Variants in IGSF21 observed in about 807,000 individuals in gnomAD.
IGSF21 encodes the protein immunoglobin superfamily member 21.
Under a neutral mutation model 46.8 loss-of-function variants are expected in IGSF21, and 28 were observed. That is an observed-to-expected ratio of 0.60 (90% CI 0.44 to 0.82). IGSF21 has a LOEUF of 0.82. Ranked by LOEUF, IGSF21 falls within the 40% of genes least tolerant of loss-of-function variation. IGSF21 has a pLI of 0.00. For missense variants in IGSF21, 624 were observed against 665.5 expected (o/e 0.94, Z 0.69); for synonymous variants, 284 against 273.6 (o/e 1.04, Z -0.38).
intron 1 of IGSF21, among the ~76,000 whole-genome samples, chr1:18,159,685 C>CTTT (rs11371899): frequency 0.19 from 26,672 of 138,584 alleles, 3,251 homozygotes; most frequent in South Asian, 0.42. Flanking sequence ...TCGGGTATGT[C>CTTT]TTTTTTTTTT....
chr1:18,218,948 C>T lies in IGSF21; in HGVS notation c.71-8950C>T, dbSNP rs563570596. On this transcript the variant is annotated intron_variant, in intron 1 of 9. Coordinates refer to ENST00000251296, the MANE Select transcript of IGSF21 (RefSeq NM_032880.5). The stretch of plus-strand genomic sequence containing the variant: ...AATACAATAACCAAAATAAAAAACT[C>T]ACTGACTAGACTCAGTAGCAGAATA... Among the ~76,000 whole-genome samples the T allele has an allele frequency of 2.0e-5, 3 of 152,294 alleles. No individual in the cohort carries two copies. In the South Asian group the frequency reaches 6.2e-4, roughly 32 times the overall value.
intron 2 of IGSF21, among the ~76,000 whole-genome samples, chr1:18,281,909 T>C (rs1333016117): frequency 6.6e-6 from 1 of 152,134 alleles, no homozygotes; most frequent in East Asian, 1.9e-4. Context: ...TCCAAGCATC[T>C]GGATTTGGGG....
intron 1 of IGSF21, among the ~76,000 whole-genome samples, chr1:18,153,890 C>T (rs181259616): frequency 8.5e-5 from 13 of 152,290 alleles, no homozygotes; most frequent in Admixed American, 7.8e-4. Flanking sequence ...TGGACTGGAA[C>T]CCCTCATGCA....
intron 1 of IGSF21, among the ~76,000 whole-genome samples, chr1:18,126,386 CT>C (rs1337343358): frequency 1.3e-5 from 2 of 152,170 alleles, no homozygotes; most frequent in East Asian, 3.8e-4. Context: ...TTCCACCCTC[CT>C]TTCCTCCACA....
At chr1:18,270,548 C>T (rs1301692471) in intron 2 of IGSF21, among the ~76,000 whole-genome samples, 1 of 152,234 alleles carries the variant, frequency 6.6e-6, no homozygotes, top group Non-Finnish European at 1.5e-5. Context: ...AGGTGTCCAA[C>T]ACATGCAGCT....
At chr1:18,164,436 C>T (rs2086658469) in intron 1 of IGSF21, among the ~76,000 whole-genome samples, 1 of 151,714 alleles carries the variant, frequency 6.6e-6, no homozygotes, top group African/African-American at 2.4e-5. Flanking sequence ...TTATCCTTTT[C>T]TCTCCTTTCT....
At chr1:18,244,282 A>G (rs2084762168) in intron 2 of IGSF21, among the ~76,000 whole-genome samples, 2 of 152,198 alleles carry the variant, frequency 1.3e-5, no homozygotes, top group Admixed American at 6.5e-5. Flanking sequence ...TGGTAGAAAG[A>G]GGGACGGAGC....
chr1:18,225,406 G>A (rs1193221373), intron 1 of IGSF21, among the ~76,000 whole-genome samples: 2 of 151,818 alleles, frequency 1.3e-5, no homozygotes, highest in African/African-American at 2.4e-5. Context: ...TGCCCTCCCC[G>A]CCACCGCCAC....
At chr1:18,153,138 A>G (rs2086535869) in intron 1 of IGSF21, among the ~76,000 whole-genome samples, 1 of 152,070 alleles carries the variant, frequency 6.6e-6, no homozygotes, top group Non-Finnish European at 1.5e-5. Context: ...AGGGTCCTGA[A>G]AGGAGAAGGT....
Position 18,377,389 on chromosome 1 carries a change from A to G in IGSF21, c.1295-4A>G, listed in dbSNP as rs373321830. The G allele has an allele frequency of 1.1e-4, 181 of 1,613,096 alleles. No individual in the cohort carries two copies. The highest frequency in any genetic ancestry group is 1.3e-4 in the Non-Finnish European group (154 of 1,179,190). ...TTGGTTCTCTTTCTGTTTCTTTCCAACAGAAAACCCAAATATCCCAAGAGG... is the reference window on the plus strand; with the variant it reads ...TTGGTTCTCTTTCTGTTTCTTTCCAGCAGAAAACCCAAATATCCCAAGAGG... On this transcript the variant is annotated splice_region_variant and splice_polypyrimidine_tract_variant and intron_variant, in intron 8 of 9. Coordinates refer to ENST00000251296, the MANE Select transcript of IGSF21 (RefSeq NM_032880.5).
At chr1:18,294,859 T>G (rs769007988) in intron 3 of IGSF21, among the ~76,000 whole-genome samples, 1 of 152,244 alleles carries the variant, frequency 6.6e-6, no homozygotes, top group Non-Finnish European at 1.5e-5. Flanking sequence ...CGACTGCCTC[T>G]TCAGGCTGCA....
intron 2 of IGSF21, among the ~76,000 whole-genome samples, chr1:18,257,459 T>C (rs1466885160): frequency 6.6e-6 from 1 of 152,138 alleles, no homozygotes; most frequent in African/African-American, 2.4e-5. Context: ...CATCCAACAC[T>C]ATAGACAACT....
At chr1:18,350,783 G>C (rs532869261) in intron 4 of IGSF21, among the ~76,000 whole-genome samples, 1 of 152,140 alleles carries the variant, frequency 6.6e-6, no homozygotes, top group Non-Finnish European at 1.5e-5. Context: ...TCTCTGACTC[G>C]GGAAATCAAT....
intron 2 of IGSF21, among the ~76,000 whole-genome samples, chr1:18,234,700 C>T (rs2084657612): frequency 6.6e-6 from 1 of 152,118 alleles, no homozygotes; most frequent in South Asian, 2.1e-4. Context: ...TGTGAGAACT[C>T]ACTATCATGA....
intron 1 of IGSF21, among the ~76,000 whole-genome samples, chr1:18,187,517 C>T (rs2086915204): frequency 6.6e-6 from 1 of 152,146 alleles, no homozygotes; most frequent in Non-Finnish European, 1.5e-5. Flanking sequence ...CCTTATAAAA[C>T]CGTCAAATTT....
chr1:18,250,086 A>ACTCCCTCCCTCGCTCC (rs1256469568), intron 2 of IGSF21, among the ~76,000 whole-genome samples: 1 of 39,636 alleles, frequency 2.5e-5, no homozygotes, highest in African/African-American at 1.1e-4. Context: ...TCCATCCCCC[A>ACTCCCTCCCTCGCTCC]CTCCCTCCCT....
chr1:18,187,617 T>C (rs777236668), intron 1 of IGSF21, among the ~76,000 whole-genome samples: 3 of 152,148 alleles, frequency 2.0e-5, no homozygotes, highest in African/African-American at 4.8e-5. Flanking sequence ...CCACAACACA[T>C]AGGAATTATG....
At chr1:18,234,938 G>A (rs545105416) in intron 2 of IGSF21, among the ~76,000 whole-genome samples, 9 of 152,294 alleles carry the variant, frequency 5.9e-5, no homozygotes, top group African/African-American at 2.2e-4. Flanking sequence ...TGGGGTGATG[G>A]GAGAAACCTT....
chr1:18,211,970 A>C (rs61762142), intron 1 of IGSF21, among the ~76,000 whole-genome samples: 22,570 of 152,276 alleles, frequency 0.15, 2,129 homozygotes, highest in Non-Finnish European at 0.2. Flanking sequence ...CCTGAGGCCC[A>C]TGTGGAGCAG....
Sources: allele counts gnomAD v4.1 joint callset (sites outside exome capture counted in the v4.1 genomes callset), GRCh38; gene constraint gnomAD v4.1.1; transcripts MANE v1.5; gene names NCBI Gene and HGNC (gene_info 2026-07-23, HGNC 2026-07-21).